CHIC2: variants seen among roughly 807,000 people sequenced by gnomAD.
The protein encoded by CHIC2 is cysteine rich hydrophobic domain 2, also known as cysteine-rich hydrophobic domain-containing protein 2.
CHIC2 carries 14 observed loss-of-function variants against 25.9 expected under a neutral mutation model. The observed-to-expected ratio is 0.54, with a 90% confidence interval of 0.36 to 0.85. The LOEUF is 0.85. Ranked by LOEUF, CHIC2 falls within the 40% of genes least tolerant of loss-of-function variation. The probability of loss-of-function intolerance (pLI) is 0.01; values close to 1 mark genes in which losing one functional copy is unlikely to be tolerated. For missense variants in CHIC2, 146 were observed against 202.0 expected (o/e 0.72, Z 1.68); for synonymous variants, 70 against 72.0 (o/e 0.97, Z 0.14).
intron 3 of CHIC2, among the ~76,000 whole-genome samples, chr4:54,040,919 A>T (rs955862962): frequency 4.6e-5 from 7 of 151,386 alleles, no homozygotes; most frequent in African/African-American, 1.7e-4. Context: ...GAATAAAAAC[A>T]AGGTCTTGGG....
At chr4:54,069,711 G>A in the CHIC2 span, among the ~76,000 whole-genome samples, 1 of 152,206 alleles carries the variant, frequency 6.6e-6, no homozygotes, top group Admixed American at 6.5e-5. Context: ...AGCATTTTAG[G>A]TGTTGTATGC....
upstream of CHIC2, among the ~76,000 whole-genome samples, chr4:54,067,798 A>T (rs994132329): frequency 2.6e-5 from 4 of 152,146 alleles, no homozygotes; most frequent in Non-Finnish European, 5.9e-5. Context: ...TCTACCTAGC[A>T]GAGTGGCCAT....
chr4:54,085,909 C>G, the CHIC2 span, among the ~76,000 whole-genome samples: 2 of 151,784 alleles, frequency 1.3e-5, no homozygotes, highest in Non-Finnish European at 2.9e-5. Flanking sequence ...TTTGGCAAGT[C>G]GTTTAACCTC....
chr4:54,085,132 A>T, the CHIC2 span, among the ~76,000 whole-genome samples: 3 of 152,208 alleles, frequency 2.0e-5, no homozygotes, highest in Non-Finnish European at 4.4e-5. Context: ...CAAATGATAA[A>T]GAAATAACTC....
intron 3 of CHIC2, among the ~76,000 whole-genome samples, chr4:54,035,058 C>G (rs1017354676): frequency 6.6e-6 from 1 of 152,086 alleles, no homozygotes; most frequent in Non-Finnish European, 1.5e-5. Flanking sequence ...GATGTTAAAC[C>G]AACCTTACTT....
At chr4:54,055,648 C>T (rs1204223101) in intron 1 of CHIC2, among the ~76,000 whole-genome samples, 2 of 152,120 alleles carry the variant, frequency 1.3e-5, no homozygotes, top group African/African-American at 4.8e-5. Context: ...TCAAACTGAA[C>T]ATATTGGTTA....
chr4:54,050,455 T>C (rs756875737), intron 1 of CHIC2, among the ~76,000 whole-genome samples: 11 of 152,106 alleles, frequency 7.2e-5, no homozygotes, highest in Non-Finnish European at 4.4e-5. Context: ...TCTTTCCTGA[T>C]AGACCTTGAA....
chr4:54,080,362 T>C, the CHIC2 span, among the ~76,000 whole-genome samples: 1 of 151,880 alleles, frequency 6.6e-6, no homozygotes, highest in East Asian at 1.9e-4. Flanking sequence ...AGGCAGAAAG[T>C]AGAATAGTGG....
intron 3 of CHIC2, among the ~76,000 whole-genome samples, chr4:54,018,727 T>A (rs1239415037): frequency 1.3e-5 from 2 of 152,176 alleles, no homozygotes; most frequent in South Asian, 2.1e-4. Flanking sequence ...AGAACAAAAA[T>A]ATGCTATGAT....
At chr4:54,090,832 A>G in the CHIC2 span, among the ~76,000 whole-genome samples, 1,020 of 152,150 alleles carry the variant, frequency 6.7e-3, 7 homozygotes, top group African/African-American at 0.023. Context: ...ACTGATTTCA[A>G]TGCATCGTCT....
At chr4:54,062,819 T>A (rs1043719781) in intron 1 of CHIC2, among the ~76,000 whole-genome samples, 1 of 152,160 alleles carries the variant, frequency 6.6e-6, no homozygotes, top group Non-Finnish European at 1.5e-5. Context: ...TAAAATCAAA[T>A]GGCAGGTTAT....
At chr4:54,082,797 A>C in the CHIC2 span, among the ~76,000 whole-genome samples, 1 of 152,172 alleles carries the variant, frequency 6.6e-6, no homozygotes, top group African/African-American at 2.4e-5. Context: ...GGGAAGTGAG[A>C]CTGTAGAAGA....
chr4:54,080,942 GTATATATATATA>G, the CHIC2 span, among the ~76,000 whole-genome samples: 5,098 of 101,070 alleles, frequency 0.05, 159 homozygotes, highest in South Asian at 0.093. Context: ...ATGTGTGTGT[GTATATATATATA>G]TATATATATA....
chr4:54,083,032 T>TG, the CHIC2 span, among the ~76,000 whole-genome samples: 76 of 136,972 alleles, frequency 5.5e-4, 1 homozygote, highest in African/African-American at 2.1e-3. Flanking sequence ...TTTTTTTTTT[T>TG]TTTTTTTTTT....
chr4:54,024,712 C>T (rs1716003453), intron 3 of CHIC2, among the ~76,000 whole-genome samples: 1 of 152,268 alleles, frequency 6.6e-6, no homozygotes, highest in South Asian at 2.1e-4. Context: ...GCCAACCAAG[C>T]AAGTAATTAT....
chr4:54,057,015 A>G (rs1445030276), intron 1 of CHIC2, among the ~76,000 whole-genome samples: 2 of 152,306 alleles, frequency 1.3e-5, no homozygotes, highest in South Asian at 4.1e-4. Flanking sequence ...TATGCCATCA[A>G]AATCACTCCC....
Position 54,025,056 on chromosome 4 carries a change from C to G in CHIC2, c.331-10937G>C, listed in dbSNP as rs182265119. On this transcript the variant is annotated intron_variant, in intron 3 of 5. Transcript: ENST00000263921. The stretch of plus-strand genomic sequence containing the variant: ...ACCACCCGCCCCCCCAAAATTTTTG[C>G]TGCCCCAACACTTCAACACTATTTT... Among the ~76,000 whole-genome samples, 93 of 150,084 alleles carry G rather than the reference C, an allele frequency of 6.2e-4. 1 individual carries two copies. The highest frequency in any genetic ancestry group is 2.1e-3 in the African/African-American group (86 of 40,772).
upstream of CHIC2, among the ~76,000 whole-genome samples, chr4:54,068,424 G>T (rs1018659157): frequency 2.0e-5 from 3 of 152,128 alleles, no homozygotes; most frequent in African/African-American, 7.2e-5. Context: ...ATACAAGGAC[G>T]AAGCCCCTCA....
intron 3 of CHIC2, 94 bp downstream of exon 3, chr4:54,048,859 AGT>A: frequency 1.0e-6 from 1 of 979,672 alleles, no homozygotes. Context: ...TATTCAGGAT[AGT>A]GTGATTCATT....
Sources: allele counts gnomAD v4.1 joint callset (sites outside exome capture counted in the v4.1 genomes callset), GRCh38; gene constraint gnomAD v4.1.1; transcripts MANE v1.5; gene names NCBI Gene and HGNC (gene_info 2026-07-23, HGNC 2026-07-21).